The following ADGRV1 variants were observed in gnomAD, a reference collection of about 807,000 sequenced individuals.
ADGRV1 encodes the protein G-protein coupled receptor 98.
Under a neutral mutation model 596.2 loss-of-function variants are expected in ADGRV1, and 359 were observed. The observed-to-expected ratio is 0.60, with a 90% CI of 0.55 to 0.66. ADGRV1 has a LOEUF of 0.66. ADGRV1 is among the 30% of genes least tolerant of loss of function. The probability of loss-of-function intolerance (pLI) is 0.00; values close to 1 mark genes in which losing one functional copy is unlikely to be tolerated. For synonymous variants in ADGRV1, 2,681 were observed against 2,679.2 expected (o/e 1.00, Z -0.02); for missense variants, 7,274 against 7,575.6 (o/e 0.96, Z 1.48).
At chr5:90,863,656 G>A in intron 82 of ADGRV1, 101 bp from the exon 83 acceptor site, 1 of 824,796 alleles carries the variant, frequency 1.2e-6, no homozygotes, top group Admixed American at 1.7e-5. Context: ...GAGGCAGGTG[G>A]CAGACCTGAC....
chr5:90,927,333 A>G (rs1433945416), intron 83 of ADGRV1, among the ~76,000 whole-genome samples: 14 of 151,800 alleles, frequency 9.2e-5, no homozygotes, highest in Admixed American at 5.2e-4. Flanking sequence ...TTGGGTGCAT[A>G]TATATTTAGG....
At chr5:90,624,233 A>G (rs1333245496) in intron 5 of ADGRV1, among the ~76,000 whole-genome samples, 1 of 152,232 alleles carries the variant, frequency 6.6e-6, no homozygotes, top group African/African-American at 2.4e-5. Flanking sequence ...TAGTCTTGCA[A>G]GTTTTACACT....
chr5:90,591,543 T>C (rs535402816), intron 1 of ADGRV1, among the ~76,000 whole-genome samples: 4 of 152,292 alleles, frequency 2.6e-5, no homozygotes, highest in African/African-American at 9.6e-5. Context: ...AGCAAACCAG[T>C]ATACATTATA....
chr5:90,596,050 G>A lies in ADGRV1; in HGVS notation c.23-18785G>A, dbSNP rs545565288. On this transcript the variant is annotated intron_variant, in intron 1 of 89. Coordinates refer to ENST00000405460, the MANE Select transcript of ADGRV1 (RefSeq NM_032119.4). ...TTCTCATACGGGGTGGCTGCCGGGC[G>A]GAGGGTCTCCTCACTTCTCAGACGG... is the stretch of plus-strand genomic sequence containing the variant. 2.4e-3 allele frequency among the ~76,000 whole-genome samples: 354 copies of A among 148,136 alleles called. 1 individual carries two copies. Among genetic ancestry groups the A allele is most frequent in the African/African-American group, 7.7e-3 (308 of 39,748 alleles).
At chr5:90,837,749 G>A (rs928594637) in intron 77 of ADGRV1, among the ~76,000 whole-genome samples, 1 of 151,760 alleles carries the variant, frequency 6.6e-6, no homozygotes, top group Non-Finnish European at 1.5e-5. Context: ...TAAATCCTGC[G>A]AAAAAACAGT....
intron 85 of ADGRV1, among the ~76,000 whole-genome samples, chr5:91,048,977 G>T (rs889737077): frequency 1.3e-5 from 2 of 151,846 alleles, no homozygotes; most frequent in Admixed American, 6.6e-5. Flanking sequence ...ATGGTGACCG[G>T]ATTATAACCA....
intron 9 of ADGRV1, among the ~76,000 whole-genome samples, chr5:90,631,224 T>C (rs1005460317): frequency 2.0e-5 from 3 of 152,200 alleles, no homozygotes; most frequent in African/African-American, 7.2e-5. Flanking sequence ...GATAACTCGA[T>C]CTTTGTCTCT....
At chr5:90,696,909 G>T in intron 33 of ADGRV1, 28 bp from the exon 34 acceptor site, 2 of 1,551,342 alleles carry the variant, frequency 1.3e-6, no homozygotes, top group South Asian at 1.2e-5. Flanking sequence ...TTGTTACTTT[G>T]GTTTTTATTC....
intron 1 of ADGRV1, among the ~76,000 whole-genome samples, chr5:90,608,671 G>A (rs1428502095): frequency 6.6e-6 from 1 of 152,030 alleles, no homozygotes; most frequent in Non-Finnish European, 1.5e-5. Context: ...GGCTGTGACT[G>A]GAGGGTGTTC....
chr5:90,675,475 T>G (rs1292601152), intron 24 of ADGRV1, 30 bp downstream of exon 24: 2 of 1,575,126 alleles, frequency 1.3e-6, no homozygotes, highest in Admixed American at 3.5e-5. Flanking sequence ...TGAAGTTGTA[T>G]TTGCACTTGT....
At chr5:90,803,463 C>T (rs780663260) in intron 71 of ADGRV1, among the ~76,000 whole-genome samples, 2 of 152,138 alleles carry the variant, frequency 1.3e-5, no homozygotes, top group South Asian at 2.1e-4. Flanking sequence ...GCTATGGTAA[C>T]GTGTGTATGT....
At chr5:90,743,471 CTTTT>C (rs10942607) in intron 50 of ADGRV1, among the ~76,000 whole-genome samples, 2 of 120,932 alleles carry the variant, frequency 1.7e-5, no homozygotes, top group Non-Finnish European at 3.4e-5. Context: ...CATTTGATAT[CTTTT>C]TTTTTTTTTT....
At chr5:90,715,714 G>A (rs1431250988) in intron 42 of ADGRV1, among the ~76,000 whole-genome samples, 2 of 151,366 alleles carry the variant, frequency 1.3e-5, no homozygotes, top group Non-Finnish European at 2.9e-5. Flanking sequence ...AAGAATGTAT[G>A]ATCTGAAGCA....
chr5:91,053,909 T>C (rs1786576315), intron 85 of ADGRV1, among the ~76,000 whole-genome samples: 1 of 152,226 alleles, frequency 6.6e-6, no homozygotes, highest in African/African-American at 2.4e-5. Context: ...TACTGCTTAA[T>C]AAATGCATAT....
At chr5:90,994,762 C>T (rs368109788) in intron 85 of ADGRV1, among the ~76,000 whole-genome samples, 185 of 152,210 alleles carry the variant, frequency 1.2e-3, no homozygotes, top group African/African-American at 4.1e-3. Flanking sequence ...GATTTAATTT[C>T]GTATATCTAT....
chr5:91,019,682 A>C (rs1783470999), intron 85 of ADGRV1, among the ~76,000 whole-genome samples: 1 of 151,936 alleles, frequency 6.6e-6, no homozygotes, highest in South Asian at 2.1e-4. Context: ...TTAATCCTTA[A>C]ATTCCTGGGA....
rs547992369 is a variant in ADGRV1, at chr5:91,139,758, G to A, written c.18433-10272G>A. 2.3e-3 allele frequency among the ~76,000 whole-genome samples: 351 copies of A among 152,274 alleles called. 2 individuals carry two copies. Among genetic ancestry groups the A allele is most frequent in the African/African-American group, 7.8e-3 (323 of 41,552 alleles). ...TAGTACATGTTACATAGTTCAGCCT[G>A]TTCTCACCACTCTCTCTATTGTAAT... is the stretch of plus-strand genomic sequence containing the variant. On this transcript the variant is annotated intron_variant, in intron 87 of 89. Coordinates refer to ENST00000405460, the MANE Select transcript of ADGRV1 (RefSeq NM_032119.4).
chr5:90,996,571 G>A (rs573027577), intron 85 of ADGRV1, among the ~76,000 whole-genome samples: 1 of 152,334 alleles, frequency 6.6e-6, no homozygotes, highest in South Asian at 2.1e-4. Context: ...GTACAGAGGG[G>A]AAATGTGGGG....
intron 83 of ADGRV1, among the ~76,000 whole-genome samples, chr5:90,905,957 C>A (rs1041305055): frequency 4.6e-5 from 7 of 151,986 alleles, no homozygotes; most frequent in African/African-American, 2.4e-5. Flanking sequence ...TGATTTTTAT[C>A]AAGTGATTTT....
Sources: allele counts gnomAD v4.1 joint callset (sites outside exome capture counted in the v4.1 genomes callset), GRCh38; gene constraint gnomAD v4.1.1; transcripts MANE v1.5; gene names NCBI Gene and HGNC (gene_info 2026-07-23, HGNC 2026-07-21).